Variants in MACROD2 observed in about 807,000 individuals in gnomAD.
The protein encoded by MACROD2 is mono-ADP ribosylhydrolase 2.
In MACROD2, 36 loss-of-function variants were observed where a neutral mutation model predicts 70.4. The observed-to-expected ratio is 0.51, with a 90% CI of 0.39 to 0.68. The LOEUF is 0.68. Ranked by LOEUF, MACROD2 falls within the 30% of genes least tolerant of loss-of-function variation. MACROD2 has a pLI of 0.00. For synonymous variants in MACROD2, 172 were observed against 178.8 expected, an observed-to-expected ratio of 0.96 and a Z score of 0.30; for missense variants, 496 against 538.4, an observed-to-expected ratio of 0.92 and a Z score of 0.78.
At chr20:15,910,552 G>A (rs2065221867) in intron 10 of MACROD2, among the ~76,000 whole-genome samples, 1 of 152,138 alleles carries the variant, frequency 6.6e-6, no homozygotes, top group African/African-American at 2.4e-5. Flanking sequence ...CAATTCTGGA[G>A]TTGTCTATGA....
At chr20:15,166,852 A>C (rs1168261228) in intron 5 of MACROD2, among the ~76,000 whole-genome samples, 1 of 151,202 alleles carries the variant, frequency 6.6e-6, no homozygotes, top group Non-Finnish European at 1.5e-5. Flanking sequence ...GTTAATACTT[A>C]AATTATTAAA....
intron 5 of MACROD2, among the ~76,000 whole-genome samples, chr20:15,084,985 G>A (rs1276503202): frequency 1.3e-5 from 2 of 152,248 alleles, no homozygotes; most frequent in Non-Finnish European, 2.9e-5. Flanking sequence ...GAAGAACAAA[G>A]TTGTAGGACT....
chr20:14,780,694 A>G (rs941621705), intron 5 of MACROD2, among the ~76,000 whole-genome samples: 1 of 152,120 alleles, frequency 6.6e-6, no homozygotes, highest in Non-Finnish European at 1.5e-5. Flanking sequence ...ACCATGATTC[A>G]TAATTTAATT....
intron 8 of MACROD2, among the ~76,000 whole-genome samples, chr20:15,695,059 T>G (rs953672593): frequency 2.0e-5 from 3 of 152,354 alleles, no homozygotes; most frequent in East Asian, 3.9e-4. Flanking sequence ...GGTTCTCTAT[T>G]CCGTTCCATT....
intron 5 of MACROD2, among the ~76,000 whole-genome samples, chr20:14,825,267 A>G (rs2072888743): frequency 6.6e-6 from 1 of 152,100 alleles, no homozygotes; most frequent in Non-Finnish European, 1.5e-5. Context: ...TGAGAGCCGT[A>G]AAAGGAAAGT....
At chr20:16,031,709 C>T (rs1251084451) in intron 15 of MACROD2, among the ~76,000 whole-genome samples, 2 of 152,136 alleles carry the variant, frequency 1.3e-5, no homozygotes, top group Middle Eastern at 3.4e-3. Flanking sequence ...AAAATCAATG[C>T]ACATATTAAA....
intron 7 of MACROD2, among the ~76,000 whole-genome samples, chr20:15,442,697 G>A (rs137869360): frequency 6.6e-6 from 1 of 152,168 alleles, no homozygotes; most frequent in African/African-American, 2.4e-5. Flanking sequence ...ATGGAAAGAA[G>A]GGAATATCAC....
chr20:14,127,667 G>T (rs2054669370), intron 3 of MACROD2: 1 of 394,884 alleles, frequency 2.5e-6, no homozygotes, highest in Non-Finnish European at 4.8e-6. Context: ...ATTTCCATCT[G>T]GTATTCCACT....
At chr20:15,476,251 T>C (rs1370608693) in intron 7 of MACROD2, among the ~76,000 whole-genome samples, 2 of 152,236 alleles carry the variant, frequency 1.3e-5, no homozygotes, top group African/African-American at 4.8e-5. Flanking sequence ...TATTACCCCT[T>C]AAAATTTGTA....
intron 6 of MACROD2, among the ~76,000 whole-genome samples, chr20:15,241,914 T>C (rs951644481): frequency 2.3e-4 from 35 of 152,282 alleles, no homozygotes; most frequent in African/African-American, 8.4e-4. Flanking sequence ...TTGCTCACAA[T>C]AGAACCAATT....
At chr20:14,157,784 A>G (rs1601292256) in intron 3 of MACROD2, among the ~76,000 whole-genome samples, 1 of 152,160 alleles carries the variant, frequency 6.6e-6, no homozygotes, top group African/African-American at 2.4e-5. Context: ...GCCAAATACT[A>G]TTCCATTGTG....
At chr20:15,421,755 CA>C (rs1265656484) in intron 6 of MACROD2, among the ~76,000 whole-genome samples, 1 of 152,098 alleles carries the variant, frequency 6.6e-6, no homozygotes, top group Non-Finnish European at 1.5e-5. Flanking sequence ...CAGCAATAAA[CA>C]AAGCAAAGGT....
intron 4 of MACROD2, among the ~76,000 whole-genome samples, chr20:14,546,085 T>C (rs17263855): frequency 0.11 from 16,209 of 152,218 alleles, 1,262 homozygotes; most frequent in South Asian, 0.34. Flanking sequence ...TAGCTATAAC[T>C]ATGTTTAAAT....
In MACROD2 at chr20:15,825,494, T is replaced by TG. The variant is rs141408127; in HGVS notation, c.646-37251_646-37250insG. On this transcript the variant is annotated intron_variant, in intron 8 of 17. Transcript: ENST00000684519. The stretch of plus-strand genomic sequence containing the variant: ...TGTAGACATGATAAAATGGTTTTTT[T>TG]TTGTTGTTGGTTTTTTTTTTTCGAG... Among the ~76,000 whole-genome samples, 484 of 151,560 alleles carry TG rather than the reference T, an allele frequency of 3.2e-3. 2 individuals carry two copies. The highest frequency in any genetic ancestry group is 0.01 in the African/African-American group (415 of 41,424).
chr20:14,409,489 A>G (rs1231602334), intron 3 of MACROD2, among the ~76,000 whole-genome samples: 1 of 151,962 alleles, frequency 6.6e-6, no homozygotes, highest in Non-Finnish European at 1.5e-5. Flanking sequence ...AGAGAGATTA[A>G]GTAACTCACC....
chr20:14,905,377 G>T lies in MACROD2; in HGVS notation c.418+220418G>T, dbSNP rs796317850. On this transcript the variant is annotated intron_variant, in intron 5 of 17. Coordinates refer to ENST00000684519, the MANE Select transcript of MACROD2 (RefSeq NM_001351661.2). ...GAAAAATAAGCAAAGGGATTACTATGAAGTCAAACTGCAAAGTCAAGCCAT... is the reference window on the plus strand; with the variant it reads ...GAAAAATAAGCAAAGGGATTACTATTAAGTCAAACTGCAAAGTCAAGCCAT... The T allele has an allele frequency of 9.2e-5, 14 of 152,216 alleles. 1 individual carries two copies. Among genetic ancestry groups the T allele is most frequent in the African/African-American group, 3.4e-4 (14 of 41,552 alleles). 9.4% of individuals were successfully genotyped at this position (152,216 alleles called of 1,614,324 possible).
intron 8 of MACROD2, among the ~76,000 whole-genome samples, chr20:15,754,337 T>A (rs2051314463): frequency 1.3e-5 from 2 of 152,188 alleles, no homozygotes; most frequent in African/African-American, 4.8e-5. Context: ...AAGAGCTTAG[T>A]CTAGGCCAAG....
chr20:15,708,904 T>C (rs369243580), intron 8 of MACROD2, among the ~76,000 whole-genome samples: 170 of 152,212 alleles, frequency 1.1e-3, no homozygotes, highest in African/African-American at 3.6e-3. Context: ...CACATACTTG[T>C]AGTCTAAGCA....
At chr20:14,723,034 C>A (rs570873949) in intron 5 of MACROD2, among the ~76,000 whole-genome samples, 57 of 152,312 alleles carry the variant, frequency 3.7e-4, no homozygotes, top group Middle Eastern at 3.4e-3. Context: ...AAATCTGTAA[C>A]CCAAACACCT....
Sources: gnomAD v4.1 joint callset for allele counts (sites outside exome capture counted in the v4.1 genomes callset) on GRCh38, gnomAD v4.1.1 for gene constraint, MANE v1.5 for transcripts, NCBI Gene and HGNC (gene_info 2026-07-23, HGNC 2026-07-21) for gene names.